The following RASA2 variants were observed in gnomAD, a reference collection of about 807,000 sequenced individuals.
RASA2 encodes the protein RAS p21 protein activator 2.
RASA2 carries 155 observed loss-of-function variants against 118.2 expected under a neutral mutation model. The ratio of observed to expected loss-of-function variants is 1.31; its 90% confidence interval spans 1.15 to 1.50. The LOEUF (loss-of-function observed/expected upper bound fraction) is 1.50, where lower values mean the gene tolerates loss of function less well. Among genes scored for constraint, RASA2 ranks in the 40% most tolerant of loss-of-function variants. RASA2 has a pLI of 0.00. For synonymous variants in RASA2, 353 were observed against 349.1 expected (o/e 1.01, Z -0.12); for missense variants, 1,016 against 1,009.6 (o/e 1.01, Z -0.09).
At chr3:141,596,114 C>T (rs1056645266) in intron 19 of RASA2, among the ~76,000 whole-genome samples, 6 of 152,024 alleles carry the variant, frequency 3.9e-5, no homozygotes, top group African/African-American at 7.3e-5. Context: ...TAAAATAGGC[C>T]GCCATATGCT....
intron 1 of RASA2, among the ~76,000 whole-genome samples, chr3:141,500,073 A>G (rs1353947432): frequency 2.6e-5 from 4 of 152,198 alleles, no homozygotes; most frequent in South Asian, 4.1e-4. Flanking sequence ...CCATATGCCT[A>G]TTGGTACTAT....
At chr3:141,580,083 AAAATATATATAT>A (rs1166215547) in intron 15 of RASA2, among the ~76,000 whole-genome samples, 10 of 82,550 alleles carry the variant, frequency 1.2e-4, no homozygotes, top group Non-Finnish European at 1.6e-4. Flanking sequence ...AAAAAAAAAA[AAAATATATATAT>A]ATATATATAT....
chr3:141,552,209 C>G (rs1472542798), intron 5 of RASA2, among the ~76,000 whole-genome samples: 1 of 151,984 alleles, frequency 6.6e-6, no homozygotes, highest in Non-Finnish European at 1.5e-5. Flanking sequence ...GCATTTTCCT[C>G]TGCTTTTTTT....
At chr3:141,527,932 A>G (rs1350423167) in intron 3 of RASA2, among the ~76,000 whole-genome samples, 1 of 151,994 alleles carries the variant, frequency 6.6e-6, no homozygotes. Context: ...GTCATTTTCC[A>G]TGTGATTTGA....
intron 16 of RASA2, 69 bp from the exon 17 acceptor site, chr3:141,581,031 A>G: frequency 1.4e-6 from 2 of 1,407,870 alleles, no homozygotes; most frequent in Non-Finnish European, 1.9e-6. Context: ...CCTCAGCTTA[A>G]AAATACAGTC....
intron 2 of RASA2, among the ~76,000 whole-genome samples, chr3:141,513,412 T>A (rs1331578203): frequency 6.6e-6 from 1 of 152,146 alleles, no homozygotes; most frequent in East Asian, 1.9e-4. Context: ...TTGTTCTTAT[T>A]TGGCTTTAGA....
chr3:141,531,477 T>C (rs1401198739), intron 4 of RASA2, among the ~76,000 whole-genome samples: 1 of 151,458 alleles, frequency 6.6e-6, no homozygotes. Flanking sequence ...TATATATGCA[T>C]ATATATGTAT....
At position 141,589,099 on chromosome 3, in the gene RASA2, A is replaced by T. The variant is rs191835521; in HGVS notation, c.1933+2347A>T. Reference sequence around the variant, plus strand: ...TCGTGACCTGCCCCCTCAGCCTCCTAAAGTGCTGAGATTACAGGCATGAGC... The same window carrying T: ...TCGTGACCTGCCCCCTCAGCCTCCTTAAGTGCTGAGATTACAGGCATGAGC... On this transcript the variant is annotated intron_variant, in intron 19 of 23. Transcript: ENST00000286364. Among the ~76,000 whole-genome samples the T allele has an allele frequency of 2.5e-3, 388 of 152,236 alleles. 1 individual carries two copies. Among genetic ancestry groups the T allele is most frequent in the African/African-American group, 9.0e-3 (374 of 41,536 alleles).
At chr3:141,605,897 C>T (rs1372758646) in intron 19 of RASA2, among the ~76,000 whole-genome samples, 1 of 152,108 alleles carries the variant, frequency 6.6e-6, no homozygotes, top group East Asian at 1.9e-4. Context: ...TGCTTGTCTT[C>T]TGGTGTGGGT....
intron 19 of RASA2, among the ~76,000 whole-genome samples, chr3:141,593,605 A>G (rs921492352): frequency 5.9e-5 from 9 of 152,222 alleles, no homozygotes; most frequent in Admixed American, 2.6e-4. Flanking sequence ...GTGAAAAGCA[A>G]TAACTGAAAA....
chr3:141,538,526 T>C (rs1289539881), intron 4 of RASA2, among the ~76,000 whole-genome samples: 1 of 152,188 alleles, frequency 6.6e-6, no homozygotes, highest in Admixed American at 6.5e-5. Context: ...TTATAGTATG[T>C]ACCCTATTTT....
intron 14 of RASA2, among the ~76,000 whole-genome samples, chr3:141,575,960 A>C (rs1434385879): frequency 6.6e-6 from 1 of 152,080 alleles, no homozygotes; most frequent in Admixed American, 6.5e-5. Flanking sequence ...TATTTTTAGT[A>C]TAGATGGGGT....
intron 3 of RASA2, among the ~76,000 whole-genome samples, chr3:141,524,245 A>G (rs1215959861): frequency 1.3e-5 from 2 of 152,046 alleles, no homozygotes; most frequent in East Asian, 1.9e-4. Context: ...TATTAGCTGG[A>G]CCTTCCTCAC....
At chr3:141,532,694 C>T (rs1442447778) in intron 4 of RASA2, among the ~76,000 whole-genome samples, 1 of 151,978 alleles carries the variant, frequency 6.6e-6, no homozygotes, top group Non-Finnish European at 1.5e-5. Flanking sequence ...GGTTGACTAC[C>T]GCATAAAATA....
chr3:141,590,274 C>G (rs2083268663), intron 19 of RASA2: 1 of 410,382 alleles, frequency 2.4e-6, no homozygotes, highest in Admixed American at 2.8e-5. Flanking sequence ...AATGCATTTA[C>G]TCCGCAGCTA....
At chr3:141,584,892 T>A (rs1044417077) in intron 17 of RASA2, among the ~76,000 whole-genome samples, 13 of 152,012 alleles carry the variant, frequency 8.6e-5, no homozygotes, top group East Asian at 3.9e-4. Flanking sequence ...CCATATATAT[T>A]TTTTTTAACT....
intron 19 of RASA2, among the ~76,000 whole-genome samples, chr3:141,601,911 T>G (rs935959237): frequency 6.6e-6 from 1 of 152,226 alleles, no homozygotes; most frequent in Non-Finnish European, 1.5e-5. Context: ...GTTCACTGAT[T>G]TAGCTCATGT....
chr3:141,581,123 G>T lies in RASA2; in HGVS notation c.1698G>T (p.Met566Ile), dbSNP rs777498590. Residue 566 changes from methionine (M) to isoleucine (I), a missense_variant, in exon 17 of 24, where the codon ATG (methionine) becomes ATT (isoleucine). Coordinates refer to ENST00000286364, the MANE Select transcript of RASA2 (RefSeq NM_006506.5). ...KSKSSFKETF[M>I]CEFFKMFQEE... ...AGTCAAGTTTCAAAGAGACATTCATGTGTGAATTTTTCAAAATGTTTCAAG... is the reference window on the plus strand; with the variant it reads ...AGTCAAGTTTCAAAGAGACATTCATTTGTGAATTTTTCAAAATGTTTCAAG... 1.3e-6 allele frequency: 2 copies of T among 1,538,574 alleles called. No individual in the cohort carries two copies. Among genetic ancestry groups the T allele is most frequent in the African/African-American group, 2.9e-5 (2 of 69,858 alleles).
chr3:141,596,118 A>G (rs948160972), intron 19 of RASA2, among the ~76,000 whole-genome samples: 2 of 152,186 alleles, frequency 1.3e-5, no homozygotes, highest in African/African-American at 2.4e-5. Flanking sequence ...ATAGGCCGCC[A>G]TATGCTGGGC....
Sources: gnomAD v4.1 joint callset for allele counts (sites outside exome capture counted in the v4.1 genomes callset) on GRCh38, gnomAD v4.1.1 for gene constraint, MANE v1.5 for transcripts, NCBI Gene and HGNC (gene_info 2026-07-23, HGNC 2026-07-21) for gene names.